The following PHACTR1 variants were observed in gnomAD, a reference collection of about 807,000 sequenced individuals.
PHACTR1 encodes phosphatase and actin regulator 1.
PHACTR1 carries 16 observed loss-of-function variants against 69.2 expected under a neutral mutation model. The ratio of observed to expected loss-of-function variants is 0.23; its 90% CI spans 0.16 to 0.35. PHACTR1 has a LOEUF of 0.35. Among genes scored for constraint, PHACTR1 ranks in the 10% least tolerant of loss-of-function variants. PHACTR1 has a pLI of 1.00. For missense variants in PHACTR1, 510 were observed against 734.7 expected (o/e 0.69, Z 3.54); for synonymous variants, 312 against 284.5 (o/e 1.10, Z -0.97).
intron 4 of PHACTR1, among the ~76,000 whole-genome samples, chr6:12,988,569 G>T (rs538224369): frequency 2.0e-5 from 3 of 152,282 alleles, no homozygotes; most frequent in African/African-American, 7.2e-5. Context: ...TGTTCGCAAA[G>T]TACCTAAGCA....
chr6:13,096,282 C>G (rs934686868), intron 5 of PHACTR1, among the ~76,000 whole-genome samples: 3 of 152,134 alleles, frequency 2.0e-5, no homozygotes, highest in African/African-American at 7.2e-5. Context: ...TCCTAGGAGC[C>G]AAACAAGCGA....
At chr6:13,043,878 TTAAA>T (rs1302588134) in intron 4 of PHACTR1, among the ~76,000 whole-genome samples, 1 of 152,218 alleles carries the variant, frequency 6.6e-6, no homozygotes, top group Non-Finnish European at 1.5e-5. Context: ...TATTTACAAT[TTAAA>T]TAAGTTCTGT....
intron 4 of PHACTR1, among the ~76,000 whole-genome samples, chr6:12,848,172 G>T (rs1463080547): frequency 6.6e-6 from 1 of 151,740 alleles, no homozygotes; most frequent in African/African-American, 2.4e-5. Flanking sequence ...AGCACGTATT[G>T]GTTATAAACA....
At chr6:12,820,754 T>C (rs1776113501) in intron 4 of PHACTR1, among the ~76,000 whole-genome samples, 1 of 152,202 alleles carries the variant, frequency 6.6e-6, no homozygotes, top group Admixed American at 6.5e-5. Context: ...GAATTTGTTA[T>C]TGCTTCAAAC....
At chr6:12,830,133 G>GAAAGAAAGAAAGAAAGAAAGAAAAGA (rs1554146503) in intron 4 of PHACTR1, among the ~76,000 whole-genome samples, 10 of 143,350 alleles carry the variant, frequency 7.0e-5, no homozygotes, top group Non-Finnish European at 1.2e-4. Context: ...AAGAAAGAAA[G>GAAAGAAAGAAAGAAAGAAAGAAAAGA]AAAGAAAGAA....
chr6:12,901,575 A>C (rs1582384642), intron 4 of PHACTR1, among the ~76,000 whole-genome samples: 1 of 152,012 alleles, frequency 6.6e-6, no homozygotes, highest in African/African-American at 2.4e-5. Flanking sequence ...GCTCACTGCA[A>C]CCTCCGCCTC....
chr6:12,970,643 C>A (rs538459227), intron 4 of PHACTR1, among the ~76,000 whole-genome samples: 109 of 152,280 alleles, frequency 7.2e-4, no homozygotes, highest in African/African-American at 2.6e-3. Flanking sequence ...GTAGTCCCAG[C>A]TACTCAGAAG....
At chr6:12,766,032 G>T (rs1158294048) in intron 4 of PHACTR1, among the ~76,000 whole-genome samples, 1 of 152,164 alleles carries the variant, frequency 6.6e-6, no homozygotes, top group Non-Finnish European at 1.5e-5. Flanking sequence ...TCTCCTCATT[G>T]ACTCGGAAAT....
intron 4 of PHACTR1, among the ~76,000 whole-genome samples, chr6:13,024,704 A>C (rs551460966): frequency 6.6e-6 from 1 of 152,182 alleles, no homozygotes; most frequent in Non-Finnish European, 1.5e-5. Context: ...ATGCACTATT[A>C]AGCAGCCTGT....
intron 6 of PHACTR1, among the ~76,000 whole-genome samples, chr6:13,181,726 C>T (rs557164574): frequency 6.6e-6 from 1 of 151,948 alleles, no homozygotes; most frequent in Non-Finnish European, 1.5e-5. Context: ...TGAGAGCTGT[C>T]CTAATAGTTT....
chr6:13,167,639 T>G (rs572104617), intron 6 of PHACTR1, among the ~76,000 whole-genome samples: 18 of 152,286 alleles, frequency 1.2e-4, no homozygotes, highest in African/African-American at 3.8e-4. Context: ...AAGGAAAGAA[T>G]AAAACTGACA....
At chr6:13,206,349 G>A (rs761730410) in intron 8 of PHACTR1, among the ~76,000 whole-genome samples, 6 of 152,048 alleles carry the variant, frequency 3.9e-5, no homozygotes, top group Non-Finnish European at 7.4e-5. Context: ...CACATTTATC[G>A]GAAAGAAAAA....
At chr6:13,016,637 T>G (rs914407057) in intron 4 of PHACTR1, among the ~76,000 whole-genome samples, 3 of 152,208 alleles carry the variant, frequency 2.0e-5, no homozygotes, top group African/African-American at 4.8e-5. Flanking sequence ...CAAGAGTTTT[T>G]TTTTTTTTTC....
chr6:12,988,941 A>G (rs1796501396), intron 4 of PHACTR1, among the ~76,000 whole-genome samples: 1 of 152,248 alleles, frequency 6.6e-6, no homozygotes. Context: ...AAGCTCCTAT[A>G]CATTTTTGAA....
intron 5 of PHACTR1, among the ~76,000 whole-genome samples, chr6:13,083,878 A>G (rs1811825110): frequency 6.6e-6 from 1 of 152,290 alleles, no homozygotes; most frequent in Non-Finnish European, 1.5e-5. Context: ...ATATACAATC[A>G]TGTCATCTGC....
At chr6:12,761,901 A>G (rs1395267070) in intron 4 of PHACTR1, among the ~76,000 whole-genome samples, 1 of 152,210 alleles carries the variant, frequency 6.6e-6, no homozygotes, top group Non-Finnish European at 1.5e-5. Context: ...CACTCAAACC[A>G]TAGAATGACA....
At chr6:13,078,679 C>T (rs73368165) in intron 5 of PHACTR1, among the ~76,000 whole-genome samples, 1 of 152,148 alleles carries the variant, frequency 6.6e-6, no homozygotes, top group Non-Finnish European at 1.5e-5. Flanking sequence ...ATTTAATCAG[C>T]AAAAGAGTTG....
chr6:13,019,926 G>C (rs551336037), intron 4 of PHACTR1, among the ~76,000 whole-genome samples: 1 of 152,170 alleles, frequency 6.6e-6, no homozygotes, highest in African/African-American at 2.4e-5. Context: ...AAGCCTGAAG[G>C]GTGGTAGTCC....
At chr6:12,722,597 A>C (rs1762263955) in intron 3 of PHACTR1, among the ~76,000 whole-genome samples, 1 of 152,234 alleles carries the variant, frequency 6.6e-6, no homozygotes, top group African/African-American at 2.4e-5. Flanking sequence ...CATGAGAAAA[A>C]TTCTTTTGGA....
Sources: allele counts gnomAD v4.1 joint callset (sites outside exome capture counted in the v4.1 genomes callset), GRCh38; gene constraint gnomAD v4.1.1; transcripts MANE v1.5; gene names NCBI Gene and HGNC (gene_info 2026-07-23, HGNC 2026-07-21).